GABARAPL2: variants seen among roughly 807,000 people sequenced by gnomAD.
GABARAPL2 encodes the protein GABA type A receptor associated protein like 2.
GABARAPL2 carries 11 observed loss-of-function variants against 16.9 expected under a neutral mutation model. That is an observed-to-expected ratio of 0.65 (90% CI 0.41 to 1.08). The LOEUF (loss-of-function observed/expected upper bound fraction) is 1.08. Among genes scored for constraint, GABARAPL2 ranks in the 50% least tolerant of loss-of-function variants. The probability of loss-of-function intolerance (pLI) is 0.00; values close to 1 mark genes in which losing one functional copy is unlikely to be tolerated. For synonymous variants in GABARAPL2, 57 were observed against 50.7 expected (o/e 1.12, Z -0.53); for missense variants, 134 against 142.5 (o/e 0.94, Z 0.30).
At position 75,577,262 on chromosome 16, in the gene GABARAPL2, T is replaced by G. The variant is rs1209821880; in HGVS notation, c.264-17T>G. 2 of 1,537,702 alleles carry G rather than the reference T, an allele frequency of 1.3e-6. No homozygotes were observed. Among genetic ancestry groups the G allele is most frequent in the Non-Finnish European group, 1.8e-6 (2 of 1,110,140 alleles). On this transcript the variant is annotated splice_polypyrimidine_tract_variant and intron_variant, in intron 3 of 3. Coordinates refer to ENST00000037243, the MANE Select transcript of GABARAPL2 (RefSeq NM_007285.7). ...GGACTCCAATTTTCAATGACGTTTT[T>G]GTTTTTCTCTTTCAAGCCTAACTAT...
At chr16:75,571,832 C>T (rs1322574517) in intron 3 of GABARAPL2, among the ~76,000 whole-genome samples, 3 of 151,810 alleles carry the variant, frequency 2.0e-5, no homozygotes, top group Non-Finnish European at 4.4e-5. Flanking sequence ...ACTGCCACCA[C>T]GCCCGGCTAC....
chr16:75,571,350 T>C (rs2080913099), intron 3 of GABARAPL2, among the ~76,000 whole-genome samples: 1 of 152,208 alleles, frequency 6.6e-6, no homozygotes, highest in Non-Finnish European at 1.5e-5. Flanking sequence ...TTTATTTGCT[T>C]CTGGATCTTA....
chr16:75,566,431 G>A lies in GABARAPL2; in HGVS notation c.-56G>A. ...TGCCGCCGTCGTTGTTGTTGTGCTC[G>A]GTGCGCTGAGCTCCGCGGCTCCGCG... On this transcript the variant is annotated 5_prime_UTR_variant, in exon 1 of 4. Transcript: ENST00000037243. 4 of 1,344,574 alleles carry A rather than the reference G, an allele frequency of 3.0e-6. No individual in the cohort carries two copies. Among genetic ancestry groups the A allele is most frequent in the South Asian group, 1.2e-5 (1 of 82,722 alleles). 83.3% of individuals were successfully genotyped at this position (1,344,574 alleles called of 1,614,324 possible). A position where few individuals can be genotyped will look rare whatever the true frequency, so the allele number is the denominator to read the frequency against.
At chr16:75,572,142 A>T (rs531571847) in intron 3 of GABARAPL2, 1 of 152,204 alleles carries the variant, frequency 6.6e-6, no homozygotes, top group South Asian at 2.1e-4. Context: ...AGCCTGGGTG[A>T]CATGAGTGAA....
Position 75,566,439 on chromosome 16 carries a change from G to C in GABARAPL2, c.-48G>C, listed in dbSNP as rs764753025. The C allele has an allele frequency of 1.6e-5, 23 of 1,431,674 alleles. No homozygotes were observed. The South Asian group carries it at 2.0e-4, about 12-fold the overall frequency. 88.7% of individuals were successfully genotyped at this position (1,431,674 alleles called of 1,614,324 possible). Reference sequence around the variant, plus strand: ...TCGTTGTTGTTGTGCTCGGTGCGCTGAGCTCCGCGGCTCCGCGAGCCGGTT... The same window carrying C: ...TCGTTGTTGTTGTGCTCGGTGCGCTCAGCTCCGCGGCTCCGCGAGCCGGTT... On this transcript the variant is annotated 5_prime_UTR_variant, in exon 1 of 4. Transcript: ENST00000037243.
At chr16:75,568,842 G>A (rs1423535037) in intron 3 of GABARAPL2, among the ~76,000 whole-genome samples, 3 of 152,294 alleles carry the variant, frequency 2.0e-5, no homozygotes, top group East Asian at 3.9e-4. Flanking sequence ...TAGAATTCCC[G>A]TTTTCTGTGT....
chr16:75,567,970 C>G (rs1014386416), intron 2 of GABARAPL2, 67 bp from the exon 3 acceptor site: 6 of 1,270,106 alleles, frequency 4.7e-6, no homozygotes, highest in African/African-American at 4.4e-5. Flanking sequence ...TTCATCAGCT[C>G]CTCAGCCATG....
chr16:75,573,001 A>G (rs2080925458), intron 3 of GABARAPL2, among the ~76,000 whole-genome samples: 1 of 152,240 alleles, frequency 6.6e-6, no homozygotes, highest in South Asian at 2.1e-4. Context: ...GGCATCCAGC[A>G]AGCCTGTGCA....
chr16:75,567,122 G>A (rs1289216736), intron 2 of GABARAPL2, among the ~76,000 whole-genome samples: 1 of 152,220 alleles, frequency 6.6e-6, no homozygotes, highest in African/African-American at 2.4e-5. Context: ...CCCGATCTAG[G>A]CCAGCGAGCC....
intron 3 of GABARAPL2, among the ~76,000 whole-genome samples, chr16:75,575,011 G>A (rs1224455825): frequency 1.3e-5 from 2 of 152,056 alleles, no homozygotes; most frequent in African/African-American, 2.4e-5. Flanking sequence ...CAGCCCAAGC[G>A]ACAGAGCAAG....
chr16:75,572,574 G>A (rs2080922158), intron 3 of GABARAPL2: 1 of 152,392 alleles, frequency 6.6e-6, no homozygotes, highest in Admixed American at 6.5e-5. Flanking sequence ...GCCATTCCTG[G>A]ATGTAGGTCT....
intron 3 of GABARAPL2, among the ~76,000 whole-genome samples, chr16:75,574,533 C>T (rs2080935819): frequency 6.6e-6 from 1 of 152,016 alleles, no homozygotes. Flanking sequence ...TGAGGAGTTT[C>T]AGAGAAAAAT....
At position 75,566,868 on chromosome 16, in the gene GABARAPL2, G is replaced by A; in HGVS notation, c.51G>A (p.Glu17=). The change falls in exon 2 of 4, where the codon GAG becomes GAA. Residue 17 remains glutamate (E), a synonymous_variant. Transcript: ENST00000037243. ...EDHSLEHRCV[E]SAKIRAKYPD... is the part of the protein sequence containing the mutation. ...CTCCCACAGAACACAGATGCGTGGA[G>A]TCCGCGAAGATTCGAGCGAAATATC... is the stretch of plus-strand genomic sequence containing the variant. 6.2e-7 allele frequency: 1 copy of A among 1,613,572 alleles called. No homozygotes were observed. Among genetic ancestry groups the A allele is most frequent in the South Asian group, 1.1e-5 (1 of 91,084 alleles).
At chr16:75,574,088 T>C (rs2080932318) in intron 3 of GABARAPL2, among the ~76,000 whole-genome samples, 1 of 152,168 alleles carries the variant, frequency 6.6e-6, no homozygotes, top group South Asian at 2.1e-4. Context: ...CAGAAAGGAA[T>C]GAAAGCCACA....
Position 75,566,427 on chromosome 16 carries a change from G to A in GABARAPL2, c.-60G>A, listed in dbSNP as rs2080882347. On this transcript the variant is annotated 5_prime_UTR_variant, in exon 1 of 4. Transcript: ENST00000037243. ...CCGCTGCCGCCGTCGTTGTTGTTGT[G>A]CTCGGTGCGCTGAGCTCCGCGGCTC... 2.3e-6 allele frequency: 3 copies of A among 1,305,922 alleles called. No individual in the cohort carries two copies. The allele number at this position is 1,305,922 out of a possible 1,614,324, so 80.9% of individuals were successfully genotyped here. A position where few individuals can be genotyped will look rare whatever the true frequency, so the allele number is the denominator to read the frequency against.
rs1003701397 is a variant in GABARAPL2, at chr16:75,573,514, G to C, written c.264-3765G>C. On this transcript the variant is annotated intron_variant, in intron 3 of 3. Coordinates refer to ENST00000037243, the MANE Select transcript of GABARAPL2 (RefSeq NM_007285.7). ...GCTACTGCCAACTAAGTTTCCACAT[G>C]AGGTTGTGTGTCAGAAAAGGAGAAA... Among the ~76,000 whole-genome samples, 15 of 152,346 alleles carry C rather than the reference G, an allele frequency of 9.8e-5. No homozygotes were observed. The South Asian group carries it at 1.2e-3, about 13-fold the overall frequency.
At chr16:75,566,655 G>A in intron 1 of GABARAPL2, 135 bp downstream of exon 1, 4 of 1,056,814 alleles carry the variant, frequency 3.8e-6, no homozygotes, top group Non-Finnish European at 5.6e-6. Context: ...ATGCCCTGGT[G>A]CCTCGGGCAG....
chr16:75,566,730 G>T (rs916761866), intron 1 of GABARAPL2, 122 bp from the exon 2 acceptor site: 6 of 1,060,036 alleles, frequency 5.7e-6, no homozygotes, highest in Non-Finnish European at 8.6e-6. Context: ...ACAGGACCGC[G>T]GCCCCGGGGA....
intron 2 of GABARAPL2, 116 bp downstream of exon 2, chr16:75,567,023 C>A: frequency 1.1e-6 from 1 of 913,068 alleles, no homozygotes; most frequent in Non-Finnish European, 1.7e-6. Context: ...GTTACAGTAG[C>A]TGACGGGCCA....
Sources: allele counts gnomAD v4.1 joint callset (sites outside exome capture counted in the v4.1 genomes callset), GRCh38; gene constraint gnomAD v4.1.1; transcripts MANE v1.5; gene names NCBI Gene and HGNC (gene_info 2026-07-23, HGNC 2026-07-21).